ALG5: variants seen among roughly 807,000 people sequenced by gnomAD.
The protein encoded by ALG5 is dolichyl-phosphate beta-glucosyltransferase.
ALG5 carries 26 observed loss-of-function variants against 51.8 expected under a neutral mutation model. The ratio of observed to expected loss-of-function variants is 0.50; its 90% CI spans 0.37 to 0.70. The LOEUF (loss-of-function observed/expected upper bound fraction) is 0.70, where lower values mean the gene tolerates loss of function less well. Among genes scored for constraint, ALG5 ranks in the 30% least tolerant of loss-of-function variants. The pLI is 0.00. For missense variants in ALG5, 311 were observed against 399.3 expected (o/e 0.78, Z 1.88); for synonymous variants, 141 against 136.1 (o/e 1.04, Z -0.25).
chr13:36,950,006 A>G lies in ALG5; in HGVS notation c.911T>C (p.Leu304Pro). ...WSWLQMGKDL[L>P]FIRLRYLTGA... ...AGTCAAATATCGAAGTCGTATAAAA[A>G]GTAGGTCTTTACCCATTTGTAGCCA... The change falls in exon 10 of 10, where the codon CTT becomes CCT. Residue 304 changes from leucine (L) to proline (P), a missense_variant. Leu to Pro is a moderately conservative substitution (Grantham distance 98). Coordinates refer to ENST00000239891, the MANE Select transcript of ALG5 (RefSeq NM_013338.5). The G allele has an allele frequency of 6.2e-7, 1 of 1,613,512 alleles. No homozygotes were observed. The highest frequency in any genetic ancestry group is 1.1e-5 in the South Asian group (1 of 90,900).
chr13:36,987,954 C>T (rs1316298349), intron 5 of ALG5, among the ~76,000 whole-genome samples: 1 of 152,172 alleles, frequency 6.6e-6, no homozygotes, highest in East Asian at 1.9e-4. Context: ...TCACCCACCG[C>T]TCCAGCCTTA....
intron 8 of ALG5, among the ~76,000 whole-genome samples, chr13:36,954,445 C>T (rs1222797679): frequency 1.3e-5 from 2 of 152,134 alleles, no homozygotes; most frequent in Admixed American, 6.5e-5. Flanking sequence ...CCTGGCTTGA[C>T]CTCCCAAAGT....
chr13:36,998,711 C>T (rs2059064629), intron 1 of ALG5: 1 of 152,504 alleles, frequency 6.6e-6, no homozygotes, highest in African/African-American at 2.4e-5. Context: ...CCCTGCGTCC[C>T]TAGTGGGTCT....
intron 6 of ALG5, among the ~76,000 whole-genome samples, chr13:36,983,847 T>C (rs2058990360): frequency 6.6e-6 from 1 of 151,858 alleles, no homozygotes; most frequent in Non-Finnish European, 1.5e-5. Context: ...GGGGGAGAAA[T>C]ATACTTCACA....
chr13:36,954,565 A>G (rs2058831906), intron 8 of ALG5, among the ~76,000 whole-genome samples: 1 of 152,220 alleles, frequency 6.6e-6, no homozygotes, highest in Non-Finnish European at 1.5e-5. Context: ...AATGCAGCTC[A>G]TATCATCATA....
intron 3 of ALG5, 79 bp downstream of exon 3, chr13:36,994,910 C>A: frequency 1.6e-6 from 2 of 1,248,308 alleles, no homozygotes; most frequent in South Asian, 2.5e-5. Flanking sequence ...TCTCACAGTG[C>A]ATCTGGCTTG....
chr13:36,995,591 G>A lies in ALG5; in HGVS notation c.72C>T (p.Ser24=). Reference sequence around the variant, plus strand: ...TTGTAGCAGTTGTAAATGCAACGATGGAAATCTAAAAGCAGACATACATGT... The same window carrying A: ...TTGTAGCAGTTGTAAATGCAACGATAGAAATCTAAAAGCAGACATACATGT... The part of the protein sequence containing the change: ...ALAAAALVLI[S]IVAFTTATKM... Residue 24 remains serine, a synonymous_variant, in exon 2 of 10, where the codon TCC becomes TCT. Transcript: ENST00000239891. 6.3e-7 allele frequency: 1 copy of A among 1,597,532 alleles called. No individual in the cohort carries two copies. The highest frequency in any genetic ancestry group is 8.5e-7 in the Non-Finnish European group (1 of 1,176,122).
chr13:36,995,971 C>A (rs1236833878), intron 1 of ALG5, among the ~76,000 whole-genome samples: 1 of 152,156 alleles, frequency 6.6e-6, no homozygotes, highest in Non-Finnish European at 1.5e-5. Flanking sequence ...GAGACACACA[C>A]ACATATAGTA....
chr13:36,986,708 T>C (rs2059003513), intron 5 of ALG5, among the ~76,000 whole-genome samples: 1 of 152,140 alleles, frequency 6.6e-6, no homozygotes, highest in African/African-American at 2.4e-5. Flanking sequence ...AAGGATTGCT[T>C]GAGCTCAGGA....
chr13:36,985,584 C>T (rs775422112), intron 6 of ALG5, 43 bp downstream of exon 6: 1 of 1,477,224 alleles, frequency 6.8e-7, no homozygotes, highest in Non-Finnish European at 9.3e-7. Flanking sequence ...AGCTCTCCTG[C>T]ATTCTTGACT....
At chr13:36,971,595 G>A (rs888182576) in intron 7 of ALG5, among the ~76,000 whole-genome samples, 1 of 116,886 alleles carries the variant, frequency 8.6e-6, no homozygotes, top group African/African-American at 3.4e-5. Flanking sequence ...TGCCCAGTGA[G>A]CCAAGATCGC....
At chr13:36,974,713 C>T (rs918076092) in intron 6 of ALG5, among the ~76,000 whole-genome samples, 2 of 142,586 alleles carry the variant, frequency 1.4e-5, no homozygotes, top group Non-Finnish European at 3.0e-5. Context: ...CTATGTAAAG[C>T]CCCCCCACCA....
At chr13:36,992,708 GC>G (rs1169521281) in intron 4 of ALG5, among the ~76,000 whole-genome samples, 1 of 152,054 alleles carries the variant, frequency 6.6e-6, no homozygotes, top group Admixed American at 6.6e-5. Flanking sequence ...TATACCTTGT[GC>G]CCCCTTGGTC....
rs1042533715 is a variant in ALG5 at position 36,995,707 on chromosome 13, T to C, written c.67-111A>G. 8 of 1,060,556 alleles carry C rather than the reference T, an allele frequency of 7.5e-6. No homozygotes were observed. The African/African-American group carries it at 9.8e-5, about 13-fold the overall frequency. The allele number at this position is 1,060,556 out of a possible 1,614,324, so 65.7% of individuals were successfully genotyped here. On this transcript the variant is annotated intron_variant, in intron 1 of 9. Transcript: ENST00000239891. ...TTTTCTTTTAGTTGAATACTCACTC[T>C]CAGGTTTTAGTTCATTAACAATGGT... is the stretch of plus-strand genomic sequence containing the variant.
intron 8 of ALG5, 36 bp from the exon 9 acceptor site, chr13:36,952,635 G>T: frequency 7.6e-7 from 1 of 1,317,544 alleles, no homozygotes; most frequent in South Asian, 1.4e-5. Flanking sequence ...TATTTTTAAA[G>T]ACAAATAGAA....
At position 36,974,497 on chromosome 13, in the gene ALG5, T is replaced by C. The variant is rs545225018; in HGVS notation, c.562-2461A>G. Among the ~76,000 whole-genome samples the C allele has an allele frequency of 7.2e-5, 11 of 152,350 alleles. No individual in the cohort carries two copies. The South Asian group carries it at 2.3e-3, about 32-fold the overall frequency. ...TATTTCTTTGTATTCTTTTTTTCTC[T>C]ACATTACAAAAAAACATAGCTCAAA... On this transcript the variant is annotated intron_variant, in intron 6 of 9. Transcript: ENST00000239891.
intron 7 of ALG5, among the ~76,000 whole-genome samples, chr13:36,969,844 T>C (rs551229641): frequency 1.3e-5 from 2 of 152,228 alleles, no homozygotes; most frequent in East Asian, 3.9e-4. Flanking sequence ...CTATTTGTTA[T>C]TTCAACACAG....
chr13:36,978,723 G>C lies in ALG5; in HGVS notation c.562-6687C>G, dbSNP rs371565748. On this transcript the variant is annotated intron_variant, in intron 6 of 9. Coordinates refer to ENST00000239891, the MANE Select transcript of ALG5 (RefSeq NM_013338.5). Reference sequence around the variant, plus strand: ...GGTCAGGAGTTCAAGACCAGCCCTGGCCACCATGGTGAGACCCCACCTCTA... The same window carrying C: ...GGTCAGGAGTTCAAGACCAGCCCTGCCCACCATGGTGAGACCCCACCTCTA... 2.6e-5 allele frequency among the ~76,000 whole-genome samples: 4 copies of C among 151,110 alleles called. No individual in the cohort carries two copies. The South Asian group carries it at 6.3e-4, about 24-fold the overall frequency.
intron 4 of ALG5, among the ~76,000 whole-genome samples, chr13:36,991,576 G>A (rs981320886): frequency 6.6e-6 from 1 of 152,128 alleles, no homozygotes; most frequent in Non-Finnish European, 1.5e-5. Flanking sequence ...TGAAGCCCTA[G>A]GGGATGAACC....
Sources: allele counts gnomAD v4.1 joint callset (sites outside exome capture counted in the v4.1 genomes callset), GRCh38; gene constraint gnomAD v4.1.1; transcripts MANE v1.5; gene names NCBI Gene and HGNC (gene_info 2026-07-23, HGNC 2026-07-21).